Variants in SMG6 observed in about 807,000 individuals in gnomAD.
SMG6 encodes SMG6 nonsense mediated mRNA decay factor, also known as telomerase-binding protein EST1A.
Under a neutral mutation model 142.2 loss-of-function variants are expected in SMG6, and 66 were observed. That is an observed-to-expected ratio of 0.46 (90% CI 0.38 to 0.57). The LOEUF is 0.57. Ranked by LOEUF, SMG6 falls within the 20% of genes least tolerant of loss-of-function variation. The pLI, the probability that SMG6 is intolerant of heterozygous loss-of-function variation, is 0.00. For missense variants in SMG6, 1,793 were observed against 1,832.0 expected (o/e 0.98, Z 0.39); for synonymous variants, 779 against 702.4 (o/e 1.11, Z -1.72).
intron 13 of SMG6, among the ~76,000 whole-genome samples, chr17:2,166,682 C>A (rs2071347609): frequency 6.6e-6 from 1 of 152,220 alleles, no homozygotes; most frequent in Non-Finnish European, 1.5e-5. Flanking sequence ...TGGTCTCAAA[C>A]CCCTGGGCTC....
At chr17:2,157,951 G>T (rs374129298) in intron 13 of SMG6, among the ~76,000 whole-genome samples, 1 of 152,154 alleles carries the variant, frequency 6.6e-6, no homozygotes, top group Non-Finnish European at 1.5e-5. Context: ...CCTGGCCCAG[G>T]TGCATTTCTA....
chr17:2,158,860 C>CTAA (rs2071087392), intron 13 of SMG6, among the ~76,000 whole-genome samples: 1 of 32,404 alleles, frequency 3.1e-5, no homozygotes, highest in African/African-American at 1.1e-4. Context: ...GACCCTGTTT[C>CTAA]AAAAAAAAAA....
At chr17:2,166,740 T>C (rs2071349328) in intron 13 of SMG6, among the ~76,000 whole-genome samples, 1 of 152,214 alleles carries the variant, frequency 6.6e-6, no homozygotes, top group South Asian at 2.1e-4. Context: ...ATGACAGGCA[T>C]GGGCCACTGC....
chr17:2,277,917 G>A (rs931836863), intron 8 of SMG6, among the ~76,000 whole-genome samples: 4 of 152,034 alleles, frequency 2.6e-5, no homozygotes, highest in South Asian at 4.1e-4. Context: ...GCATGGTGGC[G>A]CATGCTTGCA....
At chr17:2,258,074 T>C (rs1458357966) in intron 8 of SMG6, among the ~76,000 whole-genome samples, 3 of 141,718 alleles carry the variant, frequency 2.1e-5, no homozygotes, top group African/African-American at 8.1e-5. Context: ...CACATATATA[T>C]ACATATATAG....
chr17:2,298,516 G>A (rs776660106), intron 2 of SMG6, among the ~76,000 whole-genome samples: 7 of 151,996 alleles, frequency 4.6e-5, no homozygotes, highest in East Asian at 1.9e-4. Context: ...TCAGGAGATC[G>A]AGATCATCCT....
At chr17:2,259,412 G>C (rs545029077) in intron 8 of SMG6, among the ~76,000 whole-genome samples, 1 of 152,118 alleles carries the variant, frequency 6.6e-6, no homozygotes, top group African/African-American at 2.4e-5. Context: ...AATAAGGAAA[G>C]AGTCCTTCAA....
rs146089875 is a variant in SMG6 at position 2,157,895 on chromosome 17, G to T, written c.3357+14763C>A. Among the ~76,000 whole-genome samples the T allele has an allele frequency of 1.0e-3, 159 of 152,270 alleles. 1 individual carries two copies. Among genetic ancestry groups the T allele is most frequent in the African/African-American group, 3.5e-3 (144 of 41,548 alleles). On this transcript the variant is annotated intron_variant, in intron 13 of 18. Transcript: ENST00000263073. ...GCAATGGCGACAAGAAGCTGAATTA[G>T]AAATCCCTAAACCATCAGCAAGCTC...
At position 2,236,374 on chromosome 17, in the gene SMG6, T is replaced by C. The variant is rs1597673839; in HGVS notation, c.2869+118A>G. 3.4e-6 allele frequency: 3 copies of C among 893,850 alleles called. No individual in the cohort carries two copies. In the East Asian group the frequency reaches 7.7e-5, roughly 23 times the overall value. The allele number at this position is 893,850 out of a possible 1,614,324, so 55.4% of individuals were successfully genotyped here. A position where few individuals can be genotyped will look rare whatever the true frequency, so the allele number is the denominator to read the frequency against. ...ATGGTAGGAAGCGTAGGGTAGGGTGTGTGTGTTCGGGGGTGGGGTGGGGGG... is the reference window on the plus strand; with the variant it reads ...ATGGTAGGAAGCGTAGGGTAGGGTGCGTGTGTTCGGGGGTGGGGTGGGGGG... On this transcript the variant is annotated intron_variant, in intron 10 of 18. Transcript: ENST00000263073.
At chr17:2,259,673 CAAAAA>C (rs11289865) in intron 8 of SMG6, among the ~76,000 whole-genome samples, 5 of 86,176 alleles carry the variant, frequency 5.8e-5, no homozygotes, top group Non-Finnish European at 6.8e-5. Flanking sequence ...ACCCTGTCTC[CAAAAA>C]AAAAAAAAAA....
chr17:2,303,584 G>A (rs939817889), intron 1 of SMG6, 49 bp downstream of exon 1: 6 of 1,376,150 alleles, frequency 4.4e-6, no homozygotes, highest in Admixed American at 7.2e-5. Flanking sequence ...AGGAGGAGAG[G>A]GAGGCGGGGC....
intron 13 of SMG6, among the ~76,000 whole-genome samples, chr17:2,157,594 G>A: frequency 6.6e-6 from 1 of 152,174 alleles, no homozygotes; most frequent in East Asian, 1.9e-4. Context: ...AGGGAAGAAG[G>A]CAGAAAGCAT....
intron 8 of SMG6, among the ~76,000 whole-genome samples, chr17:2,270,522 C>A (rs1011849744): frequency 6.6e-6 from 1 of 152,118 alleles, no homozygotes; most frequent in African/African-American, 2.4e-5. Flanking sequence ...GCAGGAAGAC[C>A]ACTTGAGCCT....
intron 13 of SMG6, among the ~76,000 whole-genome samples, chr17:2,121,885 G>C (rs1205194463): frequency 6.6e-6 from 1 of 152,106 alleles, no homozygotes; most frequent in African/African-American, 2.4e-5. Context: ...CCAGGCTGGA[G>C]TGCATGGCGC....
At chr17:2,156,376 A>G (rs1461156363) in intron 13 of SMG6, among the ~76,000 whole-genome samples, 2 of 104,640 alleles carry the variant, frequency 1.9e-5, no homozygotes, top group Non-Finnish European at 3.8e-5. Flanking sequence ...CCTGGGCAAC[A>G]GAGAGACACT....
At chr17:2,231,441 T>C (rs1451521165) in intron 10 of SMG6, among the ~76,000 whole-genome samples, 1 of 152,182 alleles carries the variant, frequency 6.6e-6, no homozygotes, top group Non-Finnish European at 1.5e-5. Context: ...CTCATGCCTG[T>C]AATCCCAGTA....
chr17:2,220,142 C>T (rs569531294), intron 10 of SMG6, among the ~76,000 whole-genome samples: 2 of 152,238 alleles, frequency 1.3e-5, no homozygotes, highest in South Asian at 2.1e-4. Context: ...AGGCTGGTCT[C>T]AAACTCCTGG....
At chr17:2,137,619 C>A (rs941904939) in intron 13 of SMG6, among the ~76,000 whole-genome samples, 2 of 151,910 alleles carry the variant, frequency 1.3e-5, no homozygotes, top group African/African-American at 2.4e-5. Context: ...GTGTGGCTGA[C>A]CCTGATTAAG....
chr17:2,206,706 G>A (rs142928858), intron 10 of SMG6, among the ~76,000 whole-genome samples: 1 of 152,154 alleles, frequency 6.6e-6, no homozygotes, highest in East Asian at 1.9e-4. Flanking sequence ...TGACCAACAT[G>A]GTGAAACCCC....
Sources: allele counts gnomAD v4.1 joint callset (sites outside exome capture counted in the v4.1 genomes callset), GRCh38; gene constraint gnomAD v4.1.1; transcripts MANE v1.5; gene names NCBI Gene and HGNC (gene_info 2026-07-23, HGNC 2026-07-21).